The following LRRC9 variants were observed in gnomAD, a reference collection of about 807,000 sequenced individuals.
LRRC9 encodes the protein leucine rich repeat containing 9.
A neutral mutation model predicts 63.2 loss-of-function variants in LRRC9; 122 were observed. That is an observed-to-expected ratio of 1.93 (90% CI 1.67 to 2.24). The LOEUF is 2.24. LRRC9 is among the 30% of genes most tolerant of loss of function. LRRC9 has a pLI of 0.00. For missense variants in LRRC9, 1,071 were observed against 627.7 expected (o/e 1.71, Z -7.55); for synonymous variants, 366 against 213.1 (o/e 1.72, Z -6.25).
chr14:60,049,146 A>C (rs547995714), intron 29 of LRRC9, among the ~76,000 whole-genome samples: 1 of 152,304 alleles, frequency 6.6e-6, no homozygotes, highest in African/African-American at 2.4e-5. Flanking sequence ...AAATAATAAG[A>C]GCCATATATT....
At position 60,053,746 on chromosome 14, in the gene LRRC9, A is replaced by G. The variant is rs1894069396; in HGVS notation, c.4131+541A>G. The G allele has an allele frequency of 1.4e-5, 5 of 355,574 alleles. No homozygotes were observed. The highest frequency in any genetic ancestry group is 4.3e-5 in the African/African-American group (2 of 46,488). The allele number at this position is 355,574 out of a possible 1,614,324, so 22.0% of individuals were successfully genotyped here. On this transcript the variant is annotated intron_variant, in intron 30 of 31. Transcript: ENST00000445360. The surrounding 1 kb of genome is among the most constrained non-coding windows in gnomAD (Gnocchi z 4.8). Reference sequence around the variant, plus strand: ...CTAAAATGTATCTGATCATGGTAGGAAAGAGATTAAAAAGGGAAGAAATAA... The same window carrying G: ...CTAAAATGTATCTGATCATGGTAGGGAAGAGATTAAAAAGGGAAGAAATAA...
At chr14:60,009,308 A>G (rs1407857306) in intron 23 of LRRC9, among the ~76,000 whole-genome samples, 1 of 152,226 alleles carries the variant, frequency 6.6e-6, no homozygotes, top group African/African-American at 2.4e-5. Context: ...ACAGTTCCAC[A>G]TGGCTGGGGA....
chr14:60,029,628 G>T (rs1891832808), intron 28 of LRRC9, among the ~76,000 whole-genome samples: 1 of 152,068 alleles, frequency 6.6e-6, no homozygotes, highest in Non-Finnish European at 1.5e-5. Flanking sequence ...TTTTCCACAA[G>T]AGTGTCCCTG....
At chr14:59,928,437 A>G in exon 3 of LRRC9, 1 of 695,530 alleles carries the variant, frequency 1.4e-6, no homozygotes. Flanking sequence ...TCAGGGTTAG[A>G]GCCTTGTTTA....
chr14:60,033,166 T>C (rs957343332), intron 29 of LRRC9, among the ~76,000 whole-genome samples: 18 of 152,174 alleles, frequency 1.2e-4, no homozygotes, highest in African/African-American at 4.3e-4. Flanking sequence ...GATTTTTGTA[T>C]ATTGCTTTTC....
At chr14:60,006,810 C>T (rs1374582823) in intron 22 of LRRC9, 193 bp downstream of exon 22, 1 of 386,154 alleles carries the variant, frequency 2.6e-6, no homozygotes, top group Non-Finnish European at 4.6e-6. Flanking sequence ...ACATAATGTC[C>T]CCATTTGCTA....
At chr14:60,001,938 T>A (rs979922812) in intron 19 of LRRC9, 28 bp from the exon 20 acceptor site, 1 of 631,306 alleles carries the variant, frequency 1.6e-6, no homozygotes. Flanking sequence ...TGTTTCCTTT[T>A]TTCACTGTAT....
chr14:60,006,133 T>C (rs529845397), intron 21 of LRRC9, among the ~76,000 whole-genome samples: 161 of 152,210 alleles, frequency 1.1e-3, no homozygotes, highest in Middle Eastern at 3.4e-3. Flanking sequence ...TTCAATATTT[T>C]CATGTAATGC....
At position 59,967,115 on chromosome 14, in the gene LRRC9, G is replaced by T. The variant is rs1319221441; in HGVS notation, c.1408G>T (p.Glu470Ter). Residue 470 changes from glutamate (E) to a stop codon, truncating the protein, a stop_gained, in exon 12 of 32, where the codon GAA (glutamate) becomes TAA (stop). Transcript: ENST00000445360. LOFTEE classifies it high-confidence loss of function. ...CTTAAGGAGCTACCGAAGGATGCTG[G>T]AATGCCTTTTTTATGTTTTTGATCC... The T allele has an allele frequency of 1.2e-5, 8 of 650,398 alleles. No individual in the cohort carries two copies. Among genetic ancestry groups the T allele is most frequent in the Non-Finnish European group, 2.0e-5 (7 of 348,228 alleles). The allele number at this position is 650,398 out of a possible 1,614,324, so 40.3% of individuals were successfully genotyped here. A position where few individuals can be genotyped will look rare whatever the true frequency, so the allele number is the denominator to read the frequency against.
intron 27 of LRRC9, among the ~76,000 whole-genome samples, chr14:60,026,127 T>C (rs1439249498): frequency 1.3e-5 from 2 of 152,076 alleles, no homozygotes; most frequent in Non-Finnish European, 2.9e-5. Context: ...GGACTAGAGA[T>C]ACATTATTTT....
At chr14:59,952,672 G>T (rs1056611901) in intron 8 of LRRC9, among the ~76,000 whole-genome samples, 2 of 152,026 alleles carry the variant, frequency 1.3e-5, no homozygotes, top group East Asian at 3.9e-4. Flanking sequence ...TTTAAATTCT[G>T]GGATACATGT....
At chr14:60,040,060 G>A (rs1892810307) in intron 29 of LRRC9, among the ~76,000 whole-genome samples, 2 of 151,984 alleles carry the variant, frequency 1.3e-5, no homozygotes, top group Admixed American at 1.3e-4. Context: ...CAGTTTCCAT[G>A]TAGTTGAGCG....
chr14:59,929,117 T>G (rs563740893), intron 3 of LRRC9, among the ~76,000 whole-genome samples: 1 of 152,004 alleles, frequency 6.6e-6, no homozygotes, highest in South Asian at 2.1e-4. Flanking sequence ...AAAGAAACTA[T>G]CAACAGGGTA....
chr14:59,939,686 C>A (rs1431614022), intron 7 of LRRC9, among the ~76,000 whole-genome samples: 1 of 151,744 alleles, frequency 6.6e-6, no homozygotes, highest in Non-Finnish European at 1.5e-5. Context: ...GAGAATAATT[C>A]CAAGATATTG....
rs160241 is a variant in LRRC9 at position 60,055,747 on chromosome 14, C to T, written c.4132-2131C>T. Reference sequence around the variant, plus strand: ...GTCTCTATTTAAAAAAAAAAAAAAACAAAAAAAACTAGCCAGGCATGATGG... The same window carrying T: ...GTCTCTATTTAAAAAAAAAAAAAAATAAAAAAAACTAGCCAGGCATGATGG... On this transcript the variant is annotated intron_variant, in intron 30 of 31. Coordinates refer to ENST00000445360, the Ensembl canonical transcript of LRRC9. 5.7e-5 allele frequency among the ~76,000 whole-genome samples: 8 copies of T among 140,970 alleles called. No individual in the cohort carries two copies. In the East Asian group the frequency reaches 1.6e-3, roughly 28 times the overall value. The allele number at this position is 140,970 out of a possible 152,430, so 92.5% of individuals were successfully genotyped here.
At chr14:59,945,176 C>T (rs77215723) in intron 8 of LRRC9, among the ~76,000 whole-genome samples, 2,177 of 150,510 alleles carry the variant, frequency 0.014, 54 homozygotes, top group East Asian at 0.059. Flanking sequence ...CCTAATAACA[C>T]TAAGGTATAC....
intron 10 of LRRC9, among the ~76,000 whole-genome samples, chr14:59,961,699 A>G (rs1272677110): frequency 2.6e-5 from 4 of 152,210 alleles, no homozygotes. Context: ...CTTTAGAACC[A>G]AGGCCTACTA....
At chr14:59,979,079 T>G (rs1886627593) in intron 15 of LRRC9, among the ~76,000 whole-genome samples, 2 of 152,180 alleles carry the variant, frequency 1.3e-5, no homozygotes, top group Admixed American at 1.3e-4. Flanking sequence ...CTTGTATTAA[T>G]TGGGAAAATC....
chr14:60,008,941 T>C (rs1460864030), intron 23 of LRRC9, among the ~76,000 whole-genome samples: 1 of 152,216 alleles, frequency 6.6e-6, no homozygotes, highest in Non-Finnish European at 1.5e-5. Context: ...ATCCTCAGAA[T>C]GGGTCACTAA....
Sources: gnomAD v4.1 joint callset for allele counts (sites outside exome capture counted in the v4.1 genomes callset) on GRCh38, gnomAD v4.1.1 for gene constraint, Gnocchi (gnomAD v3.1) non-coding constraint, MANE v1.5 for transcripts, NCBI Gene and HGNC (gene_info 2026-07-23, HGNC 2026-07-21) for gene names.